The following SYNE1 variants were observed in gnomAD, a reference collection of about 807,000 sequenced individuals.
SYNE1 encodes nesprin-1.
In SYNE1, 616 loss-of-function variants were observed where a neutral mutation model predicts 1,111.0. The ratio of observed to expected loss-of-function variants is 0.55; its 90% CI spans 0.52 to 0.59. The LOEUF is 0.59. SYNE1 is among the 20% of genes least tolerant of loss of function. The pLI, the probability that SYNE1 is intolerant of heterozygous loss-of-function variation, is 0.00. For missense variants in SYNE1, 10,006 were observed against 10,417.0 expected (o/e 0.96, Z 1.72); for synonymous variants, 3,855 against 3,825.8 (o/e 1.01, Z -0.28).
chr6:152,492,222 T>A (rs931089847), intron 11 of SYNE1, among the ~76,000 whole-genome samples: 2 of 152,168 alleles, frequency 1.3e-5, no homozygotes, highest in African/African-American at 4.8e-5. Flanking sequence ...ATTTTACTAC[T>A]CAACCCACTC....
rs57333075 is a variant in SYNE1, at chr6:152,315,197, CTTTT to C, written c.16710+1648_16710+1651del. The stretch of plus-strand genomic sequence containing the variant: ...AGGAGCCAACAGGCCAGAGTAGTAA[CTTTT>C]TTTTTTTTTTTTTTTTTTTTGAGAT... On this transcript the variant is annotated intron_variant, in intron 87 of 145. Transcript: ENST00000367255. 230 of 110,912 alleles carry C rather than the reference CTTTT, an allele frequency of 2.1e-3. 5 individuals carry two copies. Among genetic ancestry groups the C allele is most frequent in the South Asian group, 2.7e-3 (9 of 3,308 alleles). The allele number at this position is 110,912 out of a possible 1,614,324, so 6.9% of individuals were successfully genotyped here.
intron 117 of SYNE1, among the ~76,000 whole-genome samples, chr6:152,224,027 T>A (rs372648689): frequency 1.1e-4 from 17 of 152,182 alleles, no homozygotes; most frequent in African/African-American, 4.1e-4. Context: ...AAAGGAAGAT[T>A]CTGTGGACAC....
chr6:152,216,778 G>A (rs1164757974), intron 121 of SYNE1, among the ~76,000 whole-genome samples: 2 of 152,174 alleles, frequency 1.3e-5, no homozygotes, highest in Non-Finnish European at 2.9e-5. Flanking sequence ...ACAATTGGCA[G>A]GGCACAGTGG....
intron 127 of SYNE1, among the ~76,000 whole-genome samples, chr6:152,198,406 A>G (rs1294959496): frequency 6.6e-6 from 1 of 152,194 alleles, no homozygotes; most frequent in Non-Finnish European, 1.5e-5. Context: ...TATCAGCAAT[A>G]AGGATGTTTT....
chr6:152,583,236 C>T (rs992839524), intron 3 of SYNE1, among the ~76,000 whole-genome samples: 3 of 152,066 alleles, frequency 2.0e-5, no homozygotes, highest in African/African-American at 7.2e-5. Flanking sequence ...TCTAGTGTGC[C>T]CCGGCTTCAT....
chr6:152,599,525 A>G (rs1744396), intron 3 of SYNE1, among the ~76,000 whole-genome samples: 112,834 of 152,100 alleles, frequency 0.74, 42,138 homozygotes, highest in African/African-American at 0.79. Context: ...CTCTGTCTAC[A>G]AGAGCCAGAT....
Position 152,554,563 on chromosome 6 carries a change from T to A in SYNE1, c.68-14542A>T, listed in dbSNP as rs1034663294. On this transcript the variant is annotated intron_variant, in intron 3 of 145. Coordinates refer to ENST00000367255, the MANE Select transcript of SYNE1 (RefSeq NM_182961.4). The stretch of plus-strand genomic sequence containing the variant: ...CCATCTTAGACATCTTAGTTTTTTT[T>A]ATCAGTTTCTTACTAATTCATATGC... 5.3e-5 allele frequency among the ~76,000 whole-genome samples: 8 copies of A among 152,196 alleles called. No homozygotes were observed. The South Asian group carries it at 1.0e-3, about 20-fold the overall frequency.
In SYNE1 at chr6:152,325,944, C is replaced by T. The variant is rs373107323; in HGVS notation, c.15438+14G>A. On this transcript the variant is annotated intron_variant, in intron 80 of 145. Transcript: ENST00000367255. ...TAGAAAAAGGATTTTTTTTAAATGG[C>T]CCAAAACTCTGACCTTGTGTTCTGA... is the stretch of plus-strand genomic sequence containing the variant. 12 of 1,613,918 alleles carry T rather than the reference C, an allele frequency of 7.4e-6. No homozygotes were observed. In the African/African-American group the frequency reaches 9.3e-5, roughly 13 times the overall value.
chr6:152,180,443 T>C (rs1356813009), intron 128 of SYNE1, 149 bp from the exon 129 acceptor site: 2 of 764,120 alleles, frequency 2.6e-6, no homozygotes, highest in Non-Finnish European at 4.2e-6. Context: ...GATTTGCTAT[T>C]ATAAAGTGGG....
chr6:152,232,054 T>G (rs528629664), intron 113 of SYNE1, 62 bp downstream of exon 113: 8 of 1,296,338 alleles, frequency 6.2e-6, no homozygotes, highest in Non-Finnish European at 8.9e-6. Context: ...TTGAGTTTTT[T>G]AGTTCTTTCA....
intron 61 of SYNE1, chr6:152,367,766 A>T (rs1015779675): frequency 1.0e-5 from 2 of 194,742 alleles, no homozygotes; most frequent in East Asian, 2.6e-4. Context: ...CCAGAGTTCT[A>T]AAAAAAAAAT....
chr6:152,125,957 G>A (rs2053265029), intron 145 of SYNE1: 1 of 152,326 alleles, frequency 6.6e-6, no homozygotes, highest in African/African-American at 2.4e-5. Flanking sequence ...TGAGAAAACT[G>A]AAGGCCAGAG....
At chr6:152,532,051 T>C (rs1450759672) in intron 4 of SYNE1, among the ~76,000 whole-genome samples, 2 of 152,224 alleles carry the variant, frequency 1.3e-5, no homozygotes, top group Non-Finnish European at 2.9e-5. Context: ...TTAATTCTAT[T>C]TTTATCTTAT....
chr6:152,131,874 A>C (rs925769489), intron 144 of SYNE1, among the ~76,000 whole-genome samples: 12 of 152,186 alleles, frequency 7.9e-5, no homozygotes, highest in African/African-American at 2.2e-4. Context: ...GAGCAAGAAA[A>C]ATAAATGTTC....
chr6:152,141,267 C>T lies in SYNE1; in HGVS notation c.25182G>A (p.Leu8394=). 9 of 1,614,180 alleles carry T rather than the reference C, an allele frequency of 5.6e-6. No homozygotes were observed. Among genetic ancestry groups the T allele is most frequent in the Non-Finnish European group, 7.6e-6 (9 of 1,180,018 alleles). The stretch of plus-strand genomic sequence containing the variant: ...CAGGAAGGCTCTCCTCTTCCTCCTT[C>T]AGTTTGTGCTCCAGTCTCTTCACGG... ...IDSVKRLEHK[L]KEEEESLPGF... is the part of the protein sequence containing the mutation. The change falls in exon 139 of 146, where the codon CTG becomes CTA. Residue 8394 remains leucine (L), a synonymous_variant. Transcript: ENST00000367255.
At chr6:152,435,778 T>C in intron 33 of SYNE1, 163 bp downstream of exon 33, 1 of 843,902 alleles carries the variant, frequency 1.2e-6, no homozygotes. Context: ...TTGGTTTCTG[T>C]ATTAGCGATA....
intron 63 of SYNE1, 68 bp downstream of exon 63, chr6:152,364,779 C>T (rs1436724849): frequency 7.5e-6 from 12 of 1,599,794 alleles, no homozygotes; most frequent in African/African-American, 1.3e-5. Context: ...CAGGAATGGT[C>T]TGTTCAGTAG....
intron 131 of SYNE1, among the ~76,000 whole-genome samples, chr6:152,163,539 G>A (rs1410846621): frequency 6.6e-6 from 1 of 150,616 alleles, no homozygotes; most frequent in African/African-American, 2.4e-5. Flanking sequence ...ATGAGGGAGG[G>A]AATGGGAGGT....
chr6:152,387,081 A>G lies in SYNE1; in HGVS notation c.8478T>C (p.Thr2826=). 6.2e-7 allele frequency: 1 copy of G among 1,612,706 alleles called. No homozygotes were observed. Residue 2826 remains threonine, a synonymous_variant, in exon 54 of 146, where the codon ACT becomes ACC. Transcript: ENST00000367255. The part of the protein sequence containing the change: ...ELKTQFNDIM[T]VAKEKMRKVE... ...AATATAAAGCACTAACCTTGGCAACAGTCATTATATCATTAAACTGTGTTT... is the reference window on the plus strand; with the variant it reads ...AATATAAAGCACTAACCTTGGCAACGGTCATTATATCATTAAACTGTGTTT...
Sources: gnomAD v4.1 joint callset for allele counts (sites outside exome capture counted in the v4.1 genomes callset) on GRCh38, gnomAD v4.1.1 for gene constraint, MANE v1.5 for transcripts, NCBI Gene and HGNC (gene_info 2026-07-23, HGNC 2026-07-21) for gene names.